Variants in COA1 observed in about 807,000 individuals in gnomAD.
The protein encoded by COA1 is cytochrome c oxidase assembly factor 1 homolog.
Under a neutral mutation model 16.0 loss-of-function variants are expected in COA1, and 13 were observed. That is an observed-to-expected ratio of 0.81 (90% CI 0.53 to 1.29). The LOEUF (loss-of-function observed/expected upper bound fraction) is 1.29, where lower values mean the gene tolerates loss of function less well. COA1 is among the 50% of genes most tolerant of loss of function. The pLI, the probability that COA1 is intolerant of heterozygous loss-of-function variation, is 0.00. For missense variants in COA1, 179 were observed against 177.0 expected (o/e 1.01, Z -0.06); for synonymous variants, 65 against 65.7 (o/e 0.99, Z 0.05).
At chr7:43,687,245 T>C (rs1724264107) in intron 1 of COA1, among the ~76,000 whole-genome samples, 1 of 152,182 alleles carries the variant, frequency 6.6e-6, no homozygotes, top group South Asian at 2.1e-4. Context: ...TTCCAACTTG[T>C]TTGCCAACAT....
chr7:43,653,311 C>CA, intron 1 of COA1, among the ~76,000 whole-genome samples: 2 of 143,404 alleles, frequency 1.4e-5, no homozygotes, highest in Non-Finnish European at 3.2e-5. Context: ...CACTCCGTCT[C>CA]AAACAAACAA....
chr7:43,613,933 G>C (rs768947718), intron 6 of COA1, among the ~76,000 whole-genome samples: 1 of 151,890 alleles, frequency 6.6e-6, no homozygotes, highest in Non-Finnish European at 1.5e-5. Flanking sequence ...ATTTAAATTT[G>C]AGCATCAGTA....
chr7:43,689,515 C>T (rs2094181174), intron 1 of COA1, among the ~76,000 whole-genome samples: 1 of 152,010 alleles, frequency 6.6e-6, no homozygotes, highest in African/African-American at 2.4e-5. Flanking sequence ...AAGTCTACGC[C>T]CAGCCACAAA....
intron 1 of COA1, among the ~76,000 whole-genome samples, chr7:43,673,757 T>C (rs1350159069): frequency 2.0e-5 from 3 of 152,166 alleles, no homozygotes; most frequent in African/African-American, 7.2e-5. Context: ...TGCCCACCAA[T>C]GGTGGAATGG....
chr7:43,640,483 AATTTAACAAC>A, intron 5 of COA1, 80 bp downstream of exon 5: 1 of 941,500 alleles, frequency 1.1e-6, no homozygotes, highest in Non-Finnish European at 1.7e-6. Flanking sequence ...TGCCCACAGT[AATTTAACAAC>A]AAATGAAAAC....
intron 1 of COA1, among the ~76,000 whole-genome samples, chr7:43,723,894 T>G (rs1251464031): frequency 1.3e-5 from 2 of 152,170 alleles, no homozygotes; most frequent in Non-Finnish European, 2.9e-5. Flanking sequence ...GGCACTGCAC[T>G]CCAGCCTGGG....
chr7:43,628,502 A>G (rs1583903199), intron 6 of COA1, among the ~76,000 whole-genome samples: 1 of 152,180 alleles, frequency 6.6e-6, no homozygotes, highest in African/African-American at 2.4e-5. Flanking sequence ...TGGTAGCTGT[A>G]TATTTAACTT....
At chr7:43,648,989 T>A in intron 1 of COA1, 1 of 208,960 alleles carries the variant, frequency 4.8e-6, no homozygotes, top group Non-Finnish European at 9.6e-6. Context: ...AGGCTGGACC[T>A]GCAGAAGCAA....
rs754606811 is a variant in COA1 at position 43,684,320 on chromosome 7, C to T, written c.-38-35668G>A. On this transcript the variant is annotated intron_variant, in intron 1 of 5. Coordinates refer to ENST00000223336, the MANE Select transcript of COA1 (RefSeq NM_018224.4). ...GAGGCAGAGCTCACCTCCTGCTGTG[C>T]GGCCGGGAGTGGGTGAATGGGATTG... 4.6e-5 allele frequency among the ~76,000 whole-genome samples: 7 copies of T among 152,252 alleles called. 1 individual carries two copies. In the South Asian group the frequency reaches 8.3e-4, roughly 18 times the overall value.
chr7:43,616,239 C>T (rs1407745286), intron 6 of COA1, among the ~76,000 whole-genome samples: 1 of 152,186 alleles, frequency 6.6e-6, no homozygotes, highest in African/African-American at 2.4e-5. Context: ...ATATTGCTTT[C>T]ATGGTGCAAT....
chr7:43,658,276 G>A (rs1442053191), intron 1 of COA1, among the ~76,000 whole-genome samples: 6 of 151,544 alleles, frequency 4.0e-5, no homozygotes, highest in East Asian at 2.0e-4. Context: ...GGAGAATGGC[G>A]TGAACTTGAG....
intron 1 of COA1, among the ~76,000 whole-genome samples, chr7:43,684,631 A>C (rs1484765969): frequency 6.6e-6 from 1 of 152,196 alleles, no homozygotes; most frequent in Non-Finnish European, 1.5e-5. Context: ...AATGAAGGCT[A>C]TAAAGAGCAA....
intron 6 of COA1, chr7:43,609,658 C>G (rs2082680385): frequency 6.6e-6 from 1 of 152,210 alleles, no homozygotes; most frequent in Non-Finnish European, 1.5e-5. Context: ...GGAAATGAAA[C>G]ATTCCTCAAA....
intron 4 of COA1, among the ~76,000 whole-genome samples, chr7:43,644,411 A>G (rs1384832302): frequency 6.6e-6 from 1 of 152,246 alleles, no homozygotes; most frequent in Non-Finnish European, 1.5e-5. Context: ...GATAAGTTAT[A>G]GCTAAAAAAA....
Position 43,639,589 on chromosome 7 carries a change from T to G in COA1, c.434A>C (p.Lys145Thr), listed in dbSNP as rs537301566. The G allele has an allele frequency of 1.2e-5, 20 of 1,610,546 alleles. No homozygotes were observed. The highest frequency in any genetic ancestry group is 1.5e-5 in the Non-Finnish European group (18 of 1,177,408). ...GGGTCTTCTGGGTCGTCTCTACTCC[T>G]TTTTCACTTCATCACCGTTTTCCCC... ...LSGENGDEVK[K>T]E Residue 145 changes from lysine to threonine, a missense_variant, in exon 6 of 6, where the codon AAG becomes ACG. By Grantham distance (78) the Lys-to-Thr change is moderately conservative. Coordinates refer to ENST00000223336, the MANE Select transcript of COA1 (RefSeq NM_018224.4).
At chr7:43,620,322 T>C (rs28406682) in intron 6 of COA1, among the ~76,000 whole-genome samples, 1 of 152,076 alleles carries the variant, frequency 6.6e-6, no homozygotes, top group African/African-American at 2.4e-5. Context: ...TTGATGGTCT[T>C]TTTAAGGTAT....
chr7:43,657,735 G>A (rs1426182595), intron 1 of COA1, among the ~76,000 whole-genome samples: 1 of 151,942 alleles, frequency 6.6e-6, no homozygotes, highest in Non-Finnish European at 1.5e-5. Flanking sequence ...CCACAGACTG[G>A]GAGAAAATAT....
At chr7:43,654,917 C>G (rs2153126704) in intron 1 of COA1, among the ~76,000 whole-genome samples, 1 of 152,092 alleles carries the variant, frequency 6.6e-6, no homozygotes, top group Middle Eastern at 3.4e-3. Context: ...GAATAAAGGC[C>G]CAACCAAACT....
intron 1 of COA1, among the ~76,000 whole-genome samples, chr7:43,698,890 G>A (rs2094611971): frequency 6.6e-6 from 1 of 152,084 alleles, no homozygotes; most frequent in Non-Finnish European, 1.5e-5. Flanking sequence ...TTATCCATCT[G>A]CATAAAGGCT....
Sources: allele counts gnomAD v4.1 joint callset (sites outside exome capture counted in the v4.1 genomes callset), GRCh38; gene constraint gnomAD v4.1.1; transcripts MANE v1.5; gene names NCBI Gene and HGNC (gene_info 2026-07-23, HGNC 2026-07-21).